UGT1A8: variants seen among roughly 807,000 people sequenced by gnomAD.
UGT1A8 encodes the protein UDP-glucuronosyltransferase 1A8.
In UGT1A8, 39 loss-of-function variants were observed where a neutral mutation model predicts 45.3. That is an observed-to-expected ratio of 0.86 (90% confidence interval 0.67 to 1.12). UGT1A8 has a LOEUF of 1.12. Among genes scored for constraint, UGT1A8 ranks in the 50% most tolerant of loss-of-function variants. UGT1A8 has a pLI of 0.00. For missense variants in UGT1A8, 719 were observed against 664.9 expected (o/e 1.08, Z -0.90); for synonymous variants, 275 against 249.2 (o/e 1.10, Z -0.97).
At chr2:233,646,799 A>G (rs2073615007) in intron 1 of UGT1A8, among the ~76,000 whole-genome samples, 1 of 152,104 alleles carries the variant, frequency 6.6e-6, no homozygotes, top group Non-Finnish European at 1.5e-5. Flanking sequence ...TCTTCTTCTG[A>G]GCCCTCCAAA....
intron 1 of UGT1A8, chr2:233,672,608 A>G (rs2074232969): frequency 6.2e-7 from 1 of 1,613,834 alleles, no homozygotes; most frequent in Non-Finnish European, 8.5e-7. Context: ...CGTTTTTTCA[A>G]AAATGCCCTA....
chr2:233,762,622 T>C (rs772893097), intron 1 of UGT1A8, among the ~76,000 whole-genome samples: 2 of 152,196 alleles, frequency 1.3e-5, no homozygotes, highest in African/African-American at 4.8e-5. Context: ...TGTTGTGACC[T>C]CAAACACTTC....
Position 233,769,857 on chromosome 2 carries a change from CAAAAAA to C in UGT1A8, c.1295+1430_1295+1435del. 2.7e-5 allele frequency: 6 copies of C among 223,658 alleles called. No homozygotes were observed. Among genetic ancestry groups the C allele is most frequent in the Non-Finnish European group, 3.2e-5 (4 of 125,112 alleles). The allele number at this position is 223,658 out of a possible 1,614,324, so 13.9% of individuals were successfully genotyped here. On this transcript the variant is annotated intron_variant, in intron 4 of 4. Transcript: ENST00000373450. This position sits in a 1 kb window ranked among gnomAD's most constrained non-coding sequence, Gnocchi z 4.4. ...TGGGCAACAGAGTGAGACCCTGTCT[CAAAAAA>C]AAAAAAAAAAATGAAAAGTCCACAT...
At chr2:233,747,128 C>G (rs1346138562) in intron 1 of UGT1A8, 1 of 1,515,314 alleles carries the variant, frequency 6.6e-7, no homozygotes, top group Non-Finnish European at 8.9e-7. Context: ...CTAAGTGGCT[C>G]AGTGACAAGG....
At position 233,767,154 on chromosome 2, in the gene UGT1A8, A is replaced by C. The variant is rs1339405023; in HGVS notation, c.976A>C (p.Ile326Leu). ...AMAIADALGK[I>L]PQTVLWRYTG... Reference sequence around the variant, plus strand: ...GGCAATTGCTGATGCTTTGGGCAAAATCCCTCAGACAGTAAGAAGATTCTA... The same window carrying C: ...GGCAATTGCTGATGCTTTGGGCAAACTCCCTCAGACAGTAAGAAGATTCTA... Residue 326 changes from isoleucine (I) to leucine (L), a missense_variant, in exon 2 of 5, where the codon ATC (isoleucine) becomes CTC (leucine). Physicochemically the swap from Ile to Leu is conservative, Grantham distance 5 (BLOSUM62 2). Transcript: ENST00000373450. 1.9e-5 allele frequency: 31 copies of C among 1,614,082 alleles called. No homozygotes were observed. The highest frequency in any genetic ancestry group is 2.6e-5 in the Non-Finnish European group (31 of 1,180,002).
chr2:233,721,161 ATT>A lies in UGT1A8; in HGVS notation c.856-45869_856-45868del, dbSNP rs372396731. Reference sequence around the variant, plus strand: ...ATTATTGCAAAGGACACTAAACTTTATTTTTGTTTTTGATCAAACCACAAGAT... The same window carrying A: ...ATTATTGCAAAGGACACTAAACTTTATTTGTTTTTGATCAAACCACAAGAT... On this transcript the variant is annotated intron_variant, in intron 1 of 4. Coordinates refer to ENST00000373450, the MANE Select transcript of UGT1A8 (RefSeq NM_019076.5). Among the ~76,000 whole-genome samples the A allele has an allele frequency of 3.5e-4, 54 of 152,170 alleles. 1 individual carries two copies. In the East Asian group the frequency reaches 0.01, roughly 29 times the overall value.
At chr2:233,681,858 G>A (rs1217681424) in intron 1 of UGT1A8, 1 of 1,526,910 alleles carries the variant, frequency 6.5e-7, no homozygotes, top group Non-Finnish European at 8.8e-7. Flanking sequence ...TTTGAGGGCA[G>A]GTTCTATCTG....
chr2:233,772,292 C>A lies in UGT1A8; in HGVS notation c.1326C>A (p.Ser442Arg), dbSNP rs778015980. 2 of 1,614,246 alleles carry A rather than the reference C, an allele frequency of 1.2e-6. No homozygotes were observed. Among genetic ancestry groups the A allele is most frequent in the Admixed American group, 3.3e-5 (2 of 60,030 alleles). Residue 442 changes from serine (S) to arginine (R), a missense_variant, in exon 5 of 5, where the codon AGC becomes AGA. By Grantham distance (110) the Ser-to-Arg change is moderately radical (BLOSUM62 -1). Coordinates refer to ENST00000373450, the MANE Select transcript of UGT1A8 (RefSeq NM_019076.5). ...SYKENIMRLSSLHKDRPVEPL... is the reference protein window; with the variant it reads ...SYKENIMRLSRLHKDRPVEPL... ...AGGAGAACATCATGCGCCTCTCCAG[C>A]CTTCACAAGGACCGCCCGGTGGAGC... is the stretch of plus-strand genomic sequence containing the variant.
chr2:233,751,453 T>C (rs1694732697), intron 1 of UGT1A8, among the ~76,000 whole-genome samples: 2 of 152,190 alleles, frequency 1.3e-5, no homozygotes, highest in African/African-American at 4.8e-5. Flanking sequence ...GGAAGATTGT[T>C]GGGAAGGCAC....
intron 1 of UGT1A8, among the ~76,000 whole-genome samples, chr2:233,736,231 C>A (rs570595506): frequency 2.0e-5 from 3 of 152,220 alleles, no homozygotes; most frequent in East Asian, 1.9e-4. Flanking sequence ...TTTTCTCTAA[C>A]CTTGTCTTCT....
chr2:233,634,294 G>T, intron 1 of UGT1A8, among the ~76,000 whole-genome samples: 1 of 152,172 alleles, frequency 6.6e-6, no homozygotes, highest in East Asian at 1.9e-4. Flanking sequence ...TGTTGATTTG[G>T]GTTGGAGAGT....
chr2:233,654,976 A>G (rs1307391544), intron 1 of UGT1A8, among the ~76,000 whole-genome samples: 1 of 152,096 alleles, frequency 6.6e-6, no homozygotes, highest in Non-Finnish European at 1.5e-5. Flanking sequence ...CTGTAATCAT[A>G]GCTACTCGAG....
chr2:233,628,360 A>G (rs2073130195), intron 1 of UGT1A8, among the ~76,000 whole-genome samples: 1 of 152,002 alleles, frequency 6.6e-6, no homozygotes, highest in African/African-American at 2.4e-5. Flanking sequence ...AAATTTTTGC[A>G]ATATATTTAT....
At chr2:233,668,860 C>T (rs1222445412) in intron 1 of UGT1A8, among the ~76,000 whole-genome samples, 1 of 152,234 alleles carries the variant, frequency 6.6e-6, no homozygotes, top group Non-Finnish European at 1.5e-5. Context: ...GACATTTACT[C>T]ATCACATTTG....
At chr2:233,729,707 T>C (rs2125746901) in intron 1 of UGT1A8, 1 of 1,613,988 alleles carries the variant, frequency 6.2e-7, no homozygotes, top group Non-Finnish European at 8.5e-7. Flanking sequence ...TCCTCCTATA[T>C]TCCTAGATTA....
In UGT1A8 at chr2:233,676,470, C is replaced by A. The variant is rs530468532; in HGVS notation, c.855+57908C>A. Among the ~76,000 whole-genome samples, 5 of 152,248 alleles carry A rather than the reference C, an allele frequency of 3.3e-5. No homozygotes were observed. In the East Asian group the frequency reaches 7.7e-4, roughly 23 times the overall value. On this transcript the variant is annotated intron_variant, in intron 1 of 4. Coordinates refer to ENST00000373450, the MANE Select transcript of UGT1A8 (RefSeq NM_019076.5). ...GGCACATCCATCACAACTCATTCAC[C>A]AATATTGACGCATAATGATGAGCTA...
intron 1 of UGT1A8, among the ~76,000 whole-genome samples, chr2:233,632,525 T>C (rs750364585): frequency 1.2e-4 from 19 of 152,216 alleles, no homozygotes; most frequent in Non-Finnish European, 2.6e-4. Flanking sequence ...CAGTGGTTTG[T>C]AGTTCTCCTT....
chr2:233,747,127 T>C, intron 1 of UGT1A8: 1 of 1,513,692 alleles, frequency 6.6e-7, no homozygotes, highest in South Asian at 1.2e-5. Context: ...GCTAAGTGGC[T>C]CAGTGACAAG....
intron 1 of UGT1A8, among the ~76,000 whole-genome samples, chr2:233,704,154 G>C (rs577048588): frequency 7.5e-4 from 114 of 151,806 alleles, no homozygotes; most frequent in Middle Eastern, 3.4e-3. Flanking sequence ...GCCTTTCAAA[G>C]TACTGGGATT....
Sources: allele counts gnomAD v4.1 joint callset (sites outside exome capture counted in the v4.1 genomes callset), GRCh38; gene constraint gnomAD v4.1.1; non-coding constraint Gnocchi (gnomAD v3.1); transcripts MANE v1.5; gene names NCBI Gene and HGNC (gene_info 2026-07-23, HGNC 2026-07-21).